Variants in MSI2 observed in about 807,000 individuals in gnomAD.
MSI2 encodes the protein musashi RNA binding protein 2, also known as RNA-binding protein Musashi homolog 2.
MSI2 carries 17 observed loss-of-function variants against 45.6 expected under a neutral mutation model. The ratio of observed to expected loss-of-function variants is 0.37; its 90% CI spans 0.26 to 0.56. MSI2 has a LOEUF of 0.56. MSI2 is among the 20% of genes least tolerant of loss of function. MSI2 has a pLI of 0.77. For missense variants in MSI2, 293 were observed against 444.2 expected, an observed-to-expected ratio of 0.66 and a Z score of 3.06; for synonymous variants, 156 against 158.2, an observed-to-expected ratio of 0.99 and a Z score of 0.11.
intron 5 of MSI2, among the ~76,000 whole-genome samples, chr17:57,296,142 T>G (rs1910936156): frequency 6.6e-6 from 1 of 152,078 alleles, no homozygotes; most frequent in South Asian, 2.1e-4. Flanking sequence ...ATGCAAGATT[T>G]CATCGTTGCA....
In MSI2 at chr17:57,681,535, C is replaced by G; in HGVS notation, c.*2018C>G. On this transcript the variant is annotated 3_prime_UTR_variant, in exon 14 of 14. Coordinates refer to ENST00000284073, the MANE Select transcript of MSI2 (RefSeq NM_138962.4). ...GTAGACATTCACAGACATGGTAGGG[C>G]AAAAGCATCTTCAAACTAAAGACTC... is the stretch of plus-strand genomic sequence containing the variant. The G allele has an allele frequency of 5.5e-6, 1 of 182,232 alleles. No individual in the cohort carries two copies. Among genetic ancestry groups the G allele is most frequent in the East Asian group, 8.9e-5 (1 of 11,190 alleles). The allele number at this position is 182,232 out of a possible 1,614,324, so 11.3% of individuals were successfully genotyped here. A position where few individuals can be genotyped will look rare whatever the true frequency, so the allele number is the denominator to read the frequency against.
intron 13 of MSI2, 61 bp downstream of exon 13, chr17:57,677,120 A>T: frequency 2.9e-5 from 33 of 1,123,296 alleles, no homozygotes; most frequent in Non-Finnish European, 4.4e-5. Context: ...GTATGTCCAC[A>T]GGTCATACAT....
At chr17:57,606,656 C>T (rs1249025166) in intron 8 of MSI2, among the ~76,000 whole-genome samples, 2 of 152,052 alleles carry the variant, frequency 1.3e-5, no homozygotes, top group Non-Finnish European at 2.9e-5. Context: ...CACACCCAGC[C>T]GCTGCTTGGT....
chr17:57,547,054 C>T (rs1414506552), intron 7 of MSI2, among the ~76,000 whole-genome samples: 1 of 152,184 alleles, frequency 6.6e-6, no homozygotes, highest in Non-Finnish European at 1.5e-5. Flanking sequence ...CTGGGAGTGG[C>T]CTCCCTGAGG....
chr17:57,633,914 G>C (rs1436271617), intron 10 of MSI2, among the ~76,000 whole-genome samples: 1 of 152,212 alleles, frequency 6.6e-6, no homozygotes, highest in East Asian at 1.9e-4. Flanking sequence ...TCTGTCATCA[G>C]TGAAAGGAAT....
intron 5 of MSI2, among the ~76,000 whole-genome samples, chr17:57,284,924 GA>G (rs1471216230): frequency 2.7e-5 from 4 of 149,606 alleles, no homozygotes; most frequent in Non-Finnish European, 5.9e-5. Context: ...TGCCTTCGAA[GA>G]CAACATTGGT....
At chr17:57,480,560 T>C (rs2085628606) in intron 6 of MSI2, among the ~76,000 whole-genome samples, 1 of 152,164 alleles carries the variant, frequency 6.6e-6, no homozygotes, top group Non-Finnish European at 1.5e-5. Flanking sequence ...TTCAGTAATA[T>C]ATTCAGAATT....
intron 5 of MSI2, among the ~76,000 whole-genome samples, chr17:57,392,928 A>G (rs1211118025): frequency 6.6e-6 from 1 of 152,174 alleles, no homozygotes; most frequent in East Asian, 1.9e-4. Flanking sequence ...CTCATTTAAA[A>G]TGGTGCAATT....
intron 7 of MSI2, among the ~76,000 whole-genome samples, chr17:57,571,352 G>A (rs1406359412): frequency 6.6e-6 from 1 of 152,158 alleles, no homozygotes; most frequent in African/African-American, 2.4e-5. Flanking sequence ...AGGCTGAGGG[G>A]CCTGACCTTG....
chr17:57,655,687 T>C (rs1911543361), intron 11 of MSI2, among the ~76,000 whole-genome samples: 1 of 152,166 alleles, frequency 6.6e-6, no homozygotes, highest in Admixed American at 6.5e-5. Context: ...CCGCCTCTCT[T>C]ACGCTAGGAT....
intron 6 of MSI2, among the ~76,000 whole-genome samples, chr17:57,513,736 G>A (rs777505216): frequency 7.2e-5 from 11 of 152,182 alleles, no homozygotes; most frequent in African/African-American, 2.7e-4. Context: ...CCAGCTCCTT[G>A]TGCTTCTCCT....
intron 5 of MSI2, among the ~76,000 whole-genome samples, chr17:57,364,065 C>T (rs1372641095): frequency 6.6e-6 from 1 of 152,206 alleles, no homozygotes; most frequent in Non-Finnish European, 1.5e-5. Flanking sequence ...CCACCTGAAA[C>T]CTATGTTCTT....
intron 10 of MSI2, chr17:57,632,357 G>T (rs1909461414): frequency 9.4e-7 from 1 of 1,066,824 alleles, no homozygotes; most frequent in Non-Finnish European, 1.1e-6. Context: ...TCTGGAAGAG[G>T]AGCTATATAA....
chr17:57,486,168 GGTGGAGGAGGAACA>G (rs1173428479), intron 6 of MSI2, among the ~76,000 whole-genome samples: 2 of 152,182 alleles, frequency 1.3e-5, no homozygotes, highest in East Asian at 3.8e-4. Flanking sequence ...CTGCCTGGTT[GGTGGAGGAGGAACA>G]TCACAGGGTT....
At chr17:57,356,271 T>C (rs931567824) in intron 5 of MSI2, among the ~76,000 whole-genome samples, 2 of 152,202 alleles carry the variant, frequency 1.3e-5, no homozygotes, top group Non-Finnish European at 1.5e-5. Flanking sequence ...CTCCCCTCTT[T>C]GCATAACTTC....
At chr17:57,467,198 C>T (rs34900740) in intron 6 of MSI2, among the ~76,000 whole-genome samples, 12,092 of 152,302 alleles carry the variant, frequency 0.079, 664 homozygotes, top group Middle Eastern at 0.12. Context: ...AGGCATTGCT[C>T]CTCCTGGGAG....
intron 10 of MSI2, among the ~76,000 whole-genome samples, chr17:57,644,787 A>G (rs1910528041): frequency 6.6e-6 from 1 of 152,144 alleles, no homozygotes; most frequent in Non-Finnish European, 1.5e-5. Flanking sequence ...CCGGTGATGC[A>G]TATTACAAAA....
intron 6 of MSI2, among the ~76,000 whole-genome samples, chr17:57,422,015 T>C (rs2143299553): frequency 6.6e-6 from 1 of 152,332 alleles, no homozygotes; most frequent in Non-Finnish European, 1.5e-5. Context: ...GTTACACAGC[T>C]TTACAATTAT....
chr17:57,484,064 T>C (rs2085703384), intron 6 of MSI2, among the ~76,000 whole-genome samples: 1 of 152,180 alleles, frequency 6.6e-6, no homozygotes, highest in Non-Finnish European at 1.5e-5. Flanking sequence ...TCATACTGGG[T>C]GGCAGGGATG....
Sources: gnomAD v4.1 joint callset for allele counts (sites outside exome capture counted in the v4.1 genomes callset) on GRCh38, gnomAD v4.1.1 for gene constraint, MANE v1.5 for transcripts, NCBI Gene and HGNC (gene_info 2026-07-23, HGNC 2026-07-21) for gene names.